Variants in COG6 observed in about 807,000 individuals in gnomAD.
COG6 encodes component of oligomeric golgi complex 6.
Under a neutral mutation model 88.8 loss-of-function variants are expected in COG6, and 74 were observed. The observed-to-expected ratio is 0.83, with a 90% CI of 0.69 to 1.01. The LOEUF is 1.01. COG6 is among the 50% of genes least tolerant of loss of function. The pLI is 0.00. For missense variants in COG6, 800 were observed against 797.9 expected (o/e 1.00, Z -0.03); for synonymous variants, 286 against 278.7 (o/e 1.03, Z -0.26).
At chr13:39,730,358 TG>T (rs1202649815) in intron 18 of COG6, among the ~76,000 whole-genome samples, 2 of 152,312 alleles carry the variant, frequency 1.3e-5, no homozygotes, top group East Asian at 3.9e-4. Flanking sequence ...GAAAATTAAA[TG>T]TGATCTGCAA....
At chr13:39,689,685 TGTTA>T (rs1047887781) in intron 10 of COG6, 71 bp from the exon 11 acceptor site, 3 of 871,300 alleles carry the variant, frequency 3.4e-6, no homozygotes, top group African/African-American at 3.4e-5. Context: ...ATATATTATT[TGTTA>T]GTTTTTTGAA....
intron 13 of COG6, among the ~76,000 whole-genome samples, chr13:39,706,595 G>A (rs1002389468): frequency 9.5e-5 from 14 of 147,858 alleles, no homozygotes; most frequent in Non-Finnish European, 9.1e-5. Context: ...GGACTTTTGT[G>A]TATAGCTCTA....
chr13:39,728,398 G>A (rs1166286443), intron 18 of COG6, among the ~76,000 whole-genome samples: 5 of 151,920 alleles, frequency 3.3e-5, no homozygotes, highest in South Asian at 2.1e-4. Flanking sequence ...AGAAAATAGA[G>A]CAAAGAAGCA....
chr13:39,760,691 A>C (rs1194859615), intron 18 of COG6, among the ~76,000 whole-genome samples: 1 of 152,124 alleles, frequency 6.6e-6, no homozygotes, highest in East Asian at 1.9e-4. Flanking sequence ...GTAAATCATT[A>C]GCTCTAGTGT....
chr13:39,687,680 A>G (rs1424166921), intron 9 of COG6, 28 bp from the exon 10 acceptor site: 2 of 1,613,898 alleles, frequency 1.2e-6, no homozygotes, highest in African/African-American at 2.7e-5. Context: ...TCCAAAGGAA[A>G]TCTTCATTAA....
At chr13:39,719,508 C>T (rs1878730046) in intron 14 of COG6, 141 bp downstream of exon 14, 1 of 1,164,864 alleles carries the variant, frequency 8.6e-7, no homozygotes. Context: ...AACCAGTTAT[C>T]ATAACTTAAA....
chr13:39,723,483 GT>G, intron 16 of COG6, 43 bp downstream of exon 16: 1 of 1,110,658 alleles, frequency 9.0e-7, no homozygotes, highest in Non-Finnish European at 1.4e-6. Context: ...GAACATGCCA[GT>G]TTAGAGTATG....
At chr13:39,734,619 G>T (rs1390796624) in intron 18 of COG6, among the ~76,000 whole-genome samples, 1 of 152,124 alleles carries the variant, frequency 6.6e-6, no homozygotes, top group Non-Finnish European at 1.5e-5. Flanking sequence ...GGTGCATTTG[G>T]TCTGTAGTGC....
intron 11 of COG6, among the ~76,000 whole-genome samples, chr13:39,692,227 G>A (rs529452829): frequency 4.0e-4 from 61 of 151,942 alleles, no homozygotes; most frequent in African/African-American, 1.4e-3. Context: ...CTATTACTTT[G>A]TACATGTCTT....
chr13:39,726,680 G>A (rs1879151069), intron 17 of COG6, among the ~76,000 whole-genome samples: 1 of 151,848 alleles, frequency 6.6e-6, no homozygotes, highest in Admixed American at 6.6e-5. Context: ...GTTTACTAAT[G>A]CTTTTGAAAT....
chr13:39,678,080 T>A, intron 5 of COG6: 1 of 450,068 alleles, frequency 2.2e-6, no homozygotes, highest in Non-Finnish European at 4.4e-6. Context: ...TTTTCCTTTT[T>A]TTTTGAGACA....
intron 18 of COG6, among the ~76,000 whole-genome samples, chr13:39,761,895 G>C (rs1307538018): frequency 6.6e-6 from 1 of 151,722 alleles, no homozygotes; most frequent in African/African-American, 2.4e-5. Context: ...AGAATGCACA[G>C]AAATGGGAAT....
At chr13:39,682,673 A>T (rs931677897) in intron 8 of COG6, among the ~76,000 whole-genome samples, 10 of 152,112 alleles carry the variant, frequency 6.6e-5, no homozygotes, top group East Asian at 5.8e-4. Flanking sequence ...ATATCAAGGT[A>T]ATCTGTTAAT....
intron 1 of COG6, chr13:39,656,201 G>T: frequency 1.9e-6 from 1 of 528,722 alleles, no homozygotes; most frequent in Non-Finnish European, 3.6e-6. Context: ...GCGTTTGGCT[G>T]TGTGAGCTGG....
chr13:39,706,253 C>CTT (rs1555278566), intron 13 of COG6, among the ~76,000 whole-genome samples: 1 of 14,690 alleles, frequency 6.8e-5, no homozygotes, highest in African/African-American at 1.4e-4. Flanking sequence ...ATATATACTC[C>CTT]TTTATATATA....
chr13:39,725,397 C>T (rs571043232), intron 17 of COG6, among the ~76,000 whole-genome samples: 6 of 151,948 alleles, frequency 3.9e-5, no homozygotes, highest in African/African-American at 7.2e-5. Context: ...AAAATACTCA[C>T]GTATACTCAC....
At chr13:39,671,465 A>AT (rs1298235940) in intron 4 of COG6, among the ~76,000 whole-genome samples, 2 of 146,558 alleles carry the variant, frequency 1.4e-5, no homozygotes, top group Admixed American at 1.4e-4. Context: ...TTATTTCCTG[A>AT]TTTAACTACA....
In COG6 at chr13:39,664,933, G is replaced by A. The variant is rs192908711; in HGVS notation, c.370-163G>A. The stretch of plus-strand genomic sequence containing the variant: ...TAAGAACTGAGTGTGTTCCTCCAGT[G>A]GATGAGCCTTGAAACATCTACGTAT... On this transcript the variant is annotated intron_variant, in intron 3 of 18. Transcript: ENST00000455146. Among the ~76,000 whole-genome samples the A allele has an allele frequency of 5.3e-5, 8 of 152,228 alleles. No individual in the cohort carries two copies. In the East Asian group the frequency reaches 1.5e-3, roughly 29 times the overall value.
At chr13:39,658,344 C>T (rs1874665530) in intron 1 of COG6, among the ~76,000 whole-genome samples, 1 of 151,864 alleles carries the variant, frequency 6.6e-6, no homozygotes, top group Non-Finnish European at 1.5e-5. Context: ...AGGGGTCTTA[C>T]TATGTTATGC....
Sources: allele counts gnomAD v4.1 joint callset (sites outside exome capture counted in the v4.1 genomes callset), GRCh38; gene constraint gnomAD v4.1.1; transcripts MANE v1.5; gene names NCBI Gene and HGNC (gene_info 2026-07-23, HGNC 2026-07-21).